The following VWA3B variants were observed in gnomAD, a reference collection of about 807,000 sequenced individuals.
VWA3B encodes von Willebrand factor A domain containing 3B.
Under a neutral mutation model 158.3 loss-of-function variants are expected in VWA3B, and 138 were observed. That is an observed-to-expected ratio of 0.87 (90% CI 0.76 to 1.00). The LOEUF (loss-of-function observed/expected upper bound fraction) is 1.00, where lower values mean the gene tolerates loss of function less well. VWA3B is among the 50% of genes least tolerant of loss of function. The probability of loss-of-function intolerance (pLI) is 0.00; values close to 1 mark genes in which losing one functional copy is unlikely to be tolerated. For missense variants in VWA3B, 1,555 were observed against 1,565.1 expected, an observed-to-expected ratio of 0.99 and a Z score of 0.11; for synonymous variants, 596 against 587.3, an observed-to-expected ratio of 1.01 and a Z score of -0.21.
chr2:98,237,908 A>G (rs1685810523), intron 19 of VWA3B, among the ~76,000 whole-genome samples: 1 of 152,048 alleles, frequency 6.6e-6, no homozygotes, highest in Non-Finnish European at 1.5e-5. Context: ...AAATAGATAG[A>G]CCACACGTTG....
At chr2:98,295,731 G>A (rs1452635606) in intron 23 of VWA3B, among the ~76,000 whole-genome samples, 1 of 152,246 alleles carries the variant, frequency 6.6e-6, no homozygotes, top group Non-Finnish European at 1.5e-5. Flanking sequence ...TCAAGGCTGA[G>A]GACAGAGAGA....
intron 12 of VWA3B, among the ~76,000 whole-genome samples, chr2:98,205,459 T>G (rs1238649792): frequency 6.6e-6 from 1 of 152,202 alleles, no homozygotes; most frequent in Non-Finnish European, 1.5e-5. Flanking sequence ...TTATTGATTC[T>G]TTTTAACAAC....
chr2:98,312,372 T>G lies in VWA3B; in HGVS notation c.*23T>G, dbSNP rs573676437. ...TAAGGCCGTCTGGTGGCAGCTATGTTTAAGAGACCAGCGTCCTTCCAGGCT... is the reference window on the plus strand; with the variant it reads ...TAAGGCCGTCTGGTGGCAGCTATGTGTAAGAGACCAGCGTCCTTCCAGGCT... On this transcript the variant is annotated 3_prime_UTR_variant, in exon 28 of 28. Transcript: ENST00000477737. The G allele has an allele frequency of 7.5e-6, 12 of 1,593,910 alleles. No individual in the cohort carries two copies. The South Asian group carries it at 1.4e-4, about 18-fold the overall frequency.
At chr2:98,143,826 C>G (rs1459572002) in intron 7 of VWA3B, among the ~76,000 whole-genome samples, 3 of 150,230 alleles carry the variant, frequency 2.0e-5, no homozygotes, top group Admixed American at 1.3e-4. Context: ...TTATAGCTCA[C>G]TGCAGCCTCA....
chr2:98,323,136 A>G, the VWA3B span, among the ~76,000 whole-genome samples: 3 of 152,194 alleles, frequency 2.0e-5, no homozygotes, highest in African/African-American at 7.2e-5. Flanking sequence ...CAAACATTCA[A>G]TAAAAATTTT....
At chr2:98,121,160 G>T (rs1342283666) in intron 4 of VWA3B, 139 bp from the exon 5 acceptor site, 3 of 1,070,876 alleles carry the variant, frequency 2.8e-6, no homozygotes, top group East Asian at 2.6e-5. Context: ...ACATCAGAGG[G>T]CTGGGAGCTA....
chr2:98,209,712 G>C (rs1040141920), intron 12 of VWA3B, among the ~76,000 whole-genome samples: 2 of 152,156 alleles, frequency 1.3e-5, no homozygotes, highest in South Asian at 4.1e-4. Flanking sequence ...GATTTCTGAG[G>C]CTCTGTTGGT....
In VWA3B at chr2:98,181,153, G is replaced by A. The variant is rs200231186; in HGVS notation, c.1252G>A (p.Ala418Thr). ...GCTTGCCGACTGCTCTTTCCGCCAC[G>A]CTGATGGGGTTGTGGATATAAAAGC... Reference protein sequence around the residue: ...DVLADCSFRHADGVVDIKAKP... With the variant: ...DVLADCSFRHTDGVVDIKAKP... The change falls in exon 9 of 28, where the codon GCT (alanine) becomes ACT (threonine). Residue 418 changes from alanine (A) to threonine (T), a missense_variant. By Grantham distance (58) the Ala-to-Thr change is moderately conservative. Coordinates refer to ENST00000477737, the MANE Select transcript of VWA3B (RefSeq NM_144992.5). 623 of 1,614,056 alleles carry A rather than the reference G, an allele frequency of 3.9e-4. 1 individual carries two copies. Among genetic ancestry groups the A allele is most frequent in the Non-Finnish European group, 5.1e-4 (600 of 1,180,038 alleles).
chr2:98,315,481 T>C (rs1037249979), downstream of VWA3B, among the ~76,000 whole-genome samples: 5 of 152,228 alleles, frequency 3.3e-5, no homozygotes, highest in East Asian at 1.9e-4. Context: ...AGGTGAATCC[T>C]TGAAACAGAA....
At chr2:98,150,807 G>A (rs1462664932) in intron 7 of VWA3B, among the ~76,000 whole-genome samples, 1 of 152,172 alleles carries the variant, frequency 6.6e-6, no homozygotes, top group Non-Finnish European at 1.5e-5. Flanking sequence ...GTCTGTAGGT[G>A]TGATTTTAAC....
intron 23 of VWA3B, among the ~76,000 whole-genome samples, chr2:98,295,995 C>T (rs755304470): frequency 6.6e-6 from 1 of 152,142 alleles, no homozygotes; most frequent in Admixed American, 6.5e-5. Context: ...AGAGATTATA[C>T]AAAGAAGGAA....
intron 8 of VWA3B, among the ~76,000 whole-genome samples, chr2:98,176,248 C>T (rs1248807165): frequency 6.6e-6 from 1 of 151,192 alleles, no homozygotes; most frequent in Non-Finnish European, 1.5e-5. Flanking sequence ...TCTTTTCTCC[C>T]CTCCCTTCCT....
chr2:98,183,932 A>C (rs1368012665), intron 9 of VWA3B, among the ~76,000 whole-genome samples: 1 of 152,234 alleles, frequency 6.6e-6, no homozygotes, highest in Non-Finnish European at 1.5e-5. Context: ...TTTTTTCTGC[A>C]CTACAAACAT....
chr2:98,250,287 C>A, intron 19 of VWA3B, 31 bp from the exon 20 acceptor site: 2 of 1,571,134 alleles, frequency 1.3e-6, no homozygotes, highest in African/African-American at 1.4e-5. Flanking sequence ...TATCAAGTGA[C>A]ACTTTCCTTT....
chr2:98,184,318 C>T (rs1227434068), intron 9 of VWA3B, among the ~76,000 whole-genome samples: 1 of 152,334 alleles, frequency 6.6e-6, no homozygotes, highest in Admixed American at 6.5e-5. Context: ...AGGTGTCCAC[C>T]TCTGCCTGCC....
intron 14 of VWA3B, among the ~76,000 whole-genome samples, chr2:98,220,244 A>C (rs1684385939): frequency 6.6e-6 from 1 of 152,052 alleles, no homozygotes; most frequent in Admixed American, 6.6e-5. Flanking sequence ...CAGAAACATT[A>C]AAGGGGAGTA....
intron 7 of VWA3B, among the ~76,000 whole-genome samples, chr2:98,145,867 G>T (rs932141522): frequency 6.6e-6 from 1 of 151,962 alleles, no homozygotes; most frequent in Non-Finnish European, 1.5e-5. Flanking sequence ...CTACAGGCAC[G>T]TGCCACTATG....
chr2:98,303,822 A>G lies in VWA3B; in HGVS notation c.3521+20A>G. ...AGAAGTGTAAGTGTACTCAACTTTT[A>G]TCTCTTGAATATTAATTTATATCCT... is the stretch of plus-strand genomic sequence containing the variant. On this transcript the variant is annotated intron_variant, in intron 26 of 27. Coordinates refer to ENST00000477737, the MANE Select transcript of VWA3B (RefSeq NM_144992.5). 1.2e-6 allele frequency: 2 copies of G among 1,604,656 alleles called. No individual in the cohort carries two copies. Among genetic ancestry groups the G allele is most frequent in the Non-Finnish European group, 1.7e-6 (2 of 1,171,422 alleles).
chr2:98,225,346 A>G (rs747472684), intron 14 of VWA3B, among the ~76,000 whole-genome samples: 7 of 152,262 alleles, frequency 4.6e-5, no homozygotes, highest in Non-Finnish European at 8.8e-5. Flanking sequence ...CAGGCTAAAG[A>G]AGAAAAATCA....
Sources: gnomAD v4.1 joint callset for allele counts (sites outside exome capture counted in the v4.1 genomes callset) on GRCh38, gnomAD v4.1.1 for gene constraint, MANE v1.5 for transcripts, NCBI Gene and HGNC (gene_info 2026-07-23, HGNC 2026-07-21) for gene names.